TYW1B: variants seen among roughly 807,000 people sequenced by gnomAD.
TYW1B encodes S-adenosyl-L-methionine-dependent tRNA 4-demethylwyosine synthase TYW1B.
A neutral mutation model predicts 86.9 loss-of-function variants in TYW1B; 73 were observed. The observed-to-expected ratio is 0.84, with a 90% CI of 0.70 to 1.02. The LOEUF (loss-of-function observed/expected upper bound fraction) is 1.02, where lower values mean the gene tolerates loss of function less well. Among genes scored for constraint, TYW1B ranks in the 50% least tolerant of loss-of-function variants. The pLI, the probability that TYW1B is intolerant of heterozygous loss-of-function variation, is 0.00. For synonymous variants in TYW1B, 248 were observed against 292.8 expected (o/e 0.85, Z 1.56); for missense variants, 637 against 827.4 (o/e 0.77, Z 2.82).
At chr7:72,692,241 A>T (rs1222164371) in intron 11 of TYW1B, among the ~76,000 whole-genome samples, 8 of 151,588 alleles carry the variant, frequency 5.3e-5, no homozygotes, top group Non-Finnish European at 8.8e-5. Flanking sequence ...AGAAAGAAAT[A>T]AAAAAAGAAA....
intron 11 of TYW1B, among the ~76,000 whole-genome samples, chr7:72,648,901 T>G (rs1263223904): frequency 5.9e-5 from 9 of 152,088 alleles, no homozygotes; most frequent in Admixed American, 2.0e-4. Flanking sequence ...GAAAAAGAGG[T>G]ACTGTAAGCA....
chr7:72,601,425 G>A (rs1475008126), intron 13 of TYW1B, among the ~76,000 whole-genome samples: 2 of 151,914 alleles, frequency 1.3e-5, no homozygotes, highest in African/African-American at 4.8e-5. Context: ...ATCAATGGTG[G>A]GAATGCAAAA....
At chr7:72,724,309 T>G (rs1278532636) in intron 9 of TYW1B, among the ~76,000 whole-genome samples, 17 of 151,988 alleles carry the variant, frequency 1.1e-4, no homozygotes, top group African/African-American at 3.4e-4. Flanking sequence ...CCATCTCTAT[T>G]AAAAATTTTT....
chr7:72,608,831 A>G (rs192413045), intron 13 of TYW1B, among the ~76,000 whole-genome samples: 1 of 152,206 alleles, frequency 6.6e-6, no homozygotes, highest in African/African-American at 2.4e-5. Flanking sequence ...GAGGCTAGGG[A>G]TAGTTGGTAT....
At chr7:72,608,118 G>A (rs1563028218) in intron 13 of TYW1B, among the ~76,000 whole-genome samples, 1 of 152,208 alleles carries the variant, frequency 6.6e-6, no homozygotes, top group African/African-American at 2.4e-5. Context: ...CCAAGACAGT[G>A]GCAGATGAAG....
intron 11 of TYW1B, among the ~76,000 whole-genome samples, chr7:72,676,749 AG>A (rs1423391019): frequency 6.6e-6 from 1 of 152,178 alleles, no homozygotes; most frequent in Non-Finnish European, 1.5e-5. Context: ...GCTTGAGGCC[AG>A]GAGTTCAAGA....
intron 6 of TYW1B, among the ~76,000 whole-genome samples, chr7:72,779,092 A>T (rs1283485532): frequency 6.3e-4 from 96 of 152,012 alleles, no homozygotes; most frequent in Non-Finnish European, 1.2e-3. Context: ...AGAAATTCAC[A>T]ATAACTCATC....
chr7:72,587,489 A>T (rs1373897466), intron 13 of TYW1B, among the ~76,000 whole-genome samples: 6 of 152,128 alleles, frequency 3.9e-5, no homozygotes, highest in Non-Finnish European at 7.3e-5. Context: ...TTGGTCAGAG[A>T]TGACATCATT....
chr7:72,643,392 GC>G (rs1812848990), intron 11 of TYW1B, among the ~76,000 whole-genome samples: 1 of 151,960 alleles, frequency 6.6e-6, no homozygotes, highest in South Asian at 2.1e-4. Context: ...TTCGAGACCA[GC>G]CTGATCAACA....
Position 72,624,010 on chromosome 7 carries a change from A to G in TYW1B, c.1617+4877T>C, listed in dbSNP as rs532716524. Among the ~76,000 whole-genome samples the G allele has an allele frequency of 5.9e-3, 898 of 152,238 alleles. 5 individuals carry two copies. The highest frequency in any genetic ancestry group is 0.01 in the Non-Finnish European group (702 of 68,016). ...AGAGACAGGGTTTCACCATGTGGCC[A>G]GGCTGGTCTCGAACTCCTGACCTCA... is the stretch of plus-strand genomic sequence containing the variant. On this transcript the variant is annotated intron_variant, in intron 12 of 13. Transcript: ENST00000620995.
chr7:72,642,255 A>C (rs1812818492), intron 11 of TYW1B, among the ~76,000 whole-genome samples: 1 of 152,242 alleles, frequency 6.6e-6, no homozygotes, highest in African/African-American at 2.4e-5. Flanking sequence ...TCTTGGATGA[A>C]AACATAAGGT....
intron 7 of TYW1B, among the ~76,000 whole-genome samples, chr7:72,754,300 G>A (rs781853092): frequency 3.3e-5 from 5 of 151,928 alleles, no homozygotes; most frequent in Non-Finnish European, 5.9e-5. Context: ...CTGCCACCAC[G>A]TCTGGCTAAT....
intron 2 of TYW1B, among the ~76,000 whole-genome samples, chr7:72,815,684 A>C (rs1307489709): frequency 6.6e-6 from 1 of 152,036 alleles, no homozygotes; most frequent in Non-Finnish European, 1.5e-5. Flanking sequence ...TCACCCGATC[A>C]GGGTTTACGT....
At chr7:72,786,572 T>G (rs1788132743) in intron 6 of TYW1B, among the ~76,000 whole-genome samples, 2 of 126,518 alleles carry the variant, frequency 1.6e-5, no homozygotes, top group South Asian at 5.3e-4. Context: ...AATTCTTTTT[T>G]CTTTTTTTTT....
chr7:72,805,950 G>C (rs1206395761), intron 5 of TYW1B, among the ~76,000 whole-genome samples: 1 of 152,096 alleles, frequency 6.6e-6, no homozygotes, highest in Non-Finnish European at 1.5e-5. Flanking sequence ...CCTGAAGACA[G>C]GAGCTTCAAA....
intron 10 of TYW1B, among the ~76,000 whole-genome samples, chr7:72,710,821 C>A (rs13235861): frequency 2.0e-5 from 3 of 152,166 alleles, no homozygotes; most frequent in Non-Finnish European, 4.4e-5. Context: ...AATAAATAAA[C>A]AAATATTTCA....
intron 11 of TYW1B, among the ~76,000 whole-genome samples, chr7:72,637,691 T>TA (rs782101283): frequency 0.015 from 2,137 of 143,924 alleles, 38 homozygotes; most frequent in African/African-American, 0.045. Flanking sequence ...CTTTTCTTTT[T>TA]AAAAAAAAAA....
chr7:72,812,297 G>A (rs782443574), intron 3 of TYW1B, among the ~76,000 whole-genome samples: 23 of 151,974 alleles, frequency 1.5e-4, no homozygotes, highest in Non-Finnish European at 2.8e-4. Flanking sequence ...ACAAAGTTTC[G>A]ACTGCGTTTT....
intron 7 of TYW1B, among the ~76,000 whole-genome samples, chr7:72,749,912 G>GTTTT (rs35656387): frequency 1.0e-4 from 12 of 118,994 alleles, no homozygotes; most frequent in South Asian, 2.7e-4. Context: ...GGTTTTTTTT[G>GTTTT]TTTTTTTTTT....
Sources: gnomAD v4.1 joint callset for allele counts (sites outside exome capture counted in the v4.1 genomes callset) on GRCh38, gnomAD v4.1.1 for gene constraint, MANE v1.5 for transcripts, NCBI Gene and HGNC (gene_info 2026-07-23, HGNC 2026-07-21) for gene names.